Variants in KAZN observed in about 807,000 individuals in gnomAD.
KAZN encodes the protein kazrin, periplakin interacting protein.
A neutral mutation model predicts 87.4 loss-of-function variants in KAZN; 40 were observed. That is an observed-to-expected ratio of 0.46 (90% CI 0.36 to 0.60). KAZN has a LOEUF of 0.60. KAZN is among the 20% of genes least tolerant of loss of function. KAZN has a pLI of 0.00. For missense variants in KAZN, 898 were observed against 1,073.9 expected (o/e 0.84, Z 2.29); for synonymous variants, 466 against 458.3 (o/e 1.02, Z -0.22).
chr1:14,577,477 G>T (rs944941238), intron 2 of KAZN, among the ~76,000 whole-genome samples: 1 of 152,176 alleles, frequency 6.6e-6, no homozygotes, highest in African/African-American at 2.4e-5. Flanking sequence ...CTTTGGCACA[G>T]AGGGGAGGTG....
chr1:14,267,359 C>CAAAAAAAAAAAAA (rs61641430), intron 2 of KAZN, among the ~76,000 whole-genome samples: 5 of 64,740 alleles, frequency 7.7e-5, no homozygotes, highest in African/African-American at 2.7e-4. Flanking sequence ...AGCCGATAAG[C>CAAAAAAAAAAAAA]AAAAAAAAAA....
intron 2 of KAZN, among the ~76,000 whole-genome samples, chr1:14,540,349 G>A (rs545983494): frequency 6.6e-6 from 1 of 152,282 alleles, no homozygotes; most frequent in South Asian, 2.1e-4. Context: ...AGGAAAATGG[G>A]GCAGACATTA....
chr1:14,884,126 G>A (rs973263502), intron 1 of KAZN, among the ~76,000 whole-genome samples: 1 of 152,156 alleles, frequency 6.6e-6, no homozygotes, highest in Non-Finnish European at 1.5e-5. Context: ...GGGCGCGGGG[G>A]CTCACACCTG....
intron 8 of KAZN, among the ~76,000 whole-genome samples, chr1:15,089,578 C>A (rs188273257): frequency 1.3e-5 from 2 of 152,080 alleles, no homozygotes; most frequent in African/African-American, 4.8e-5. Context: ...TAAGTGCCTA[C>A]TGTCAGCCTG....
intron 1 of KAZN, among the ~76,000 whole-genome samples, chr1:14,924,761 C>G (rs1016145994): frequency 1.3e-5 from 2 of 152,060 alleles, no homozygotes; most frequent in East Asian, 3.9e-4. Context: ...GTGAGTTCCT[C>G]GGCGTGGGGA....
intron 2 of KAZN, among the ~76,000 whole-genome samples, chr1:14,267,659 C>T (rs554111043): frequency 1.6e-3 from 241 of 152,212 alleles, no homozygotes; most frequent in Non-Finnish European, 2.7e-3. Flanking sequence ...ACTAAAAGAA[C>T]GAATGAATCT....
rs6686811 is a variant in KAZN at position 14,664,052 on chromosome 1, A to C, written c.226+64829A>C. On this transcript the variant is annotated intron_variant, in intron 1 of 14. Transcript: ENST00000376030. Reference sequence around the variant, plus strand: ...GGTCGACCTTAGGGATAGTATGCTAAGTGAAATAAGCATCCCAAAAAGACA... The same window carrying C: ...GGTCGACCTTAGGGATAGTATGCTACGTGAAATAAGCATCCCAAAAAGACA... 5.1e-3 allele frequency among the ~76,000 whole-genome samples: 771 copies of C among 152,372 alleles called. 9 individuals are homozygous for C. Among genetic ancestry groups the C allele is most frequent in the African/African-American group, 0.018 (736 of 41,586 alleles).
intron 14 of KAZN, chr1:15,114,012 G>A (rs1641752351): frequency 6.4e-6 from 1 of 155,994 alleles, no homozygotes; most frequent in Non-Finnish European, 1.4e-5. Flanking sequence ...TCTGAACCTG[G>A]GTCTGTGAGT....
At chr1:14,014,321 A>G (rs1883647) in intron 1 of KAZN, among the ~76,000 whole-genome samples, 14,158 of 151,902 alleles carry the variant, frequency 0.093, 856 homozygotes, top group South Asian at 0.19. Context: ...TTGGGCAATG[A>G]CATGGAAATG....
chr1:15,043,206 A>C (rs111300934), intron 3 of KAZN, among the ~76,000 whole-genome samples: 1 of 152,206 alleles, frequency 6.6e-6, no homozygotes, highest in Non-Finnish European at 1.5e-5. Flanking sequence ...ACCTTGTGGC[A>C]GTCCAGACAA....
At chr1:14,458,156 T>C (rs941962983) in intron 2 of KAZN, among the ~76,000 whole-genome samples, 5 of 152,192 alleles carry the variant, frequency 3.3e-5, no homozygotes, top group Non-Finnish European at 1.5e-5. Flanking sequence ...TTCTCAATTA[T>C]GTTATAGTTT....
intron 1 of KAZN, among the ~76,000 whole-genome samples, chr1:14,002,414 T>A (rs1639835895): frequency 6.6e-6 from 1 of 152,218 alleles, no homozygotes; most frequent in Non-Finnish European, 1.5e-5. Flanking sequence ...AGTGAATAAG[T>A]CTCACAAGAT....
intron 1 of KAZN, among the ~76,000 whole-genome samples, chr1:14,697,140 C>CAAAAA (rs1172632955): frequency 1.6e-4 from 11 of 67,684 alleles, no homozygotes; most frequent in South Asian, 4.4e-4. Context: ...AACAAACCAA[C>CAAAAA]AAAAAAAAAA....
intron 1 of KAZN, among the ~76,000 whole-genome samples, chr1:14,818,781 A>G (rs563756941): frequency 6.6e-6 from 1 of 152,314 alleles, no homozygotes; most frequent in African/African-American, 2.4e-5. Flanking sequence ...GAGGCCAGGC[A>G]TGGTGGCTCA....
intron 1 of KAZN, among the ~76,000 whole-genome samples, chr1:14,102,932 G>T (rs555748856): frequency 6.9e-6 from 1 of 145,462 alleles, no homozygotes; most frequent in Non-Finnish European, 1.5e-5. Context: ...TTTTTTTAAC[G>T]GAGTCTTGCT....
intron 1 of KAZN, among the ~76,000 whole-genome samples, chr1:14,647,760 C>CTG (rs1340024577): frequency 2.0e-5 from 3 of 152,174 alleles, no homozygotes; most frequent in Admixed American, 2.0e-4. Flanking sequence ...TAAATTCAGA[C>CTG]TGAAAAGAAC....
chr1:14,907,832 C>T (rs1324011351), intron 1 of KAZN, among the ~76,000 whole-genome samples: 1 of 152,128 alleles, frequency 6.6e-6, no homozygotes, highest in Non-Finnish European at 1.5e-5. Context: ...CCGCTCAGCT[C>T]TCATCCCAGT....
chr1:14,645,103 G>C (rs1680712542), intron 1 of KAZN, among the ~76,000 whole-genome samples: 1 of 152,080 alleles, frequency 6.6e-6, no homozygotes, highest in African/African-American at 2.4e-5. Flanking sequence ...TGAAGATTGG[G>C]TGGTCTTGGG....
Position 15,104,095 on chromosome 1 carries a change from G to A in KAZN, c.1954G>A (p.Glu652Lys), listed in dbSNP as rs1271683187. 3.7e-6 allele frequency: 6 copies of A among 1,612,976 alleles called. No homozygotes were observed. Among genetic ancestry groups the A allele is most frequent in the South Asian group, 2.2e-5 (2 of 90,654 alleles). Residue 652 changes from glutamate (E) to lysine (K), a missense_variant, in exon 13 of 15, where the codon GAG becomes AAG. Physicochemically the swap from Glu to Lys is moderately conservative, Grantham distance 56. Transcript: ENST00000376030. ...VLVLEPTFNAEAMATALGIPS... is the reference protein window; with the variant it reads ...VLVLEPTFNAKAMATALGIPS... ...GGTGCTGGAGCCCACATTCAATGCC[G>A]AGGCCATGGCCACTGCCCTGGGCAT... is the stretch of plus-strand genomic sequence containing the variant.
Sources: allele counts gnomAD v4.1 joint callset (sites outside exome capture counted in the v4.1 genomes callset), GRCh38; gene constraint gnomAD v4.1.1; transcripts MANE v1.5; gene names NCBI Gene and HGNC (gene_info 2026-07-23, HGNC 2026-07-21).